LILRB4: variants seen among roughly 807,000 people sequenced by gnomAD.
LILRB4 encodes the protein leukocyte immunoglobulin-like receptor subfamily B member 4.
LILRB4 carries 49 observed loss-of-function variants against 55.2 expected under a neutral mutation model. The ratio of observed to expected loss-of-function variants is 0.89; its 90% CI spans 0.71 to 1.13. The LOEUF (loss-of-function observed/expected upper bound fraction) is 1.13, where lower values mean the gene tolerates loss of function less well. Among genes scored for constraint, LILRB4 ranks in the 50% most tolerant of loss-of-function variants. The pLI is 0.00. For synonymous variants in LILRB4, 229 were observed against 213.8 expected (o/e 1.07, Z -0.62); for missense variants, 590 against 555.2 (o/e 1.06, Z -0.63).
At position 54,665,703 on chromosome 19, in the gene LILRB4, C is replaced by A; in HGVS notation, c.758-112C>A. ...GTGGCAATCTCAGGTTGCACAACTG[C>A]TGTGAGGGTTGGAGGTAATGAAAGA... On this transcript the variant is annotated intron_variant, in intron 6 of 11. Transcript: ENST00000430952. The surrounding 1 kb of genome is among the most constrained non-coding windows in gnomAD (Gnocchi z 5.5). 7.9e-7 allele frequency: 1 copy of A among 1,268,734 alleles called. No individual in the cohort carries two copies. The highest frequency in any genetic ancestry group is 1.1e-6 in the Non-Finnish European group (1 of 890,224). 78.6% of individuals were successfully genotyped at this position (1,268,734 alleles called of 1,614,324 possible).
In LILRB4 at chr19:54,665,695, C is replaced by A; in HGVS notation, c.758-120C>A. On this transcript the variant is annotated intron_variant, in intron 6 of 11. Transcript: ENST00000430952. The surrounding 1 kb of genome is among the most constrained non-coding windows in gnomAD (Gnocchi z 5.5). The stretch of plus-strand genomic sequence containing the variant: ...GAGAGAGGGTGGCAATCTCAGGTTG[C>A]ACAACTGCTGTGAGGGTTGGAGGTA... The A allele has an allele frequency of 8.1e-7, 1 of 1,229,998 alleles. No individual in the cohort carries two copies. 76.2% of individuals were successfully genotyped at this position (1,229,998 alleles called of 1,614,324 possible).
At chr19:54,667,968 A>T (rs771375743) in exon 12 of LILRB4, 4 of 1,613,950 alleles carry the variant, frequency 2.5e-6, no homozygotes, top group Non-Finnish European at 3.4e-6. Context: ...CATCCCAGGA[A>T]GGGGCCTCTC....
chr19:54,667,166 T>C (rs927421435), intron 10 of LILRB4: 75 of 561,774 alleles, frequency 1.3e-4, no homozygotes, highest in Admixed American at 7.8e-4. Flanking sequence ...GCTCACCTCG[T>C]GGTGGGAGAC....
At chr19:54,664,383 G>C in exon 4 of LILRB4, 1 of 1,613,804 alleles carries the variant, frequency 6.2e-7, no homozygotes, top group Non-Finnish European at 8.5e-7. Context: ...CATGAGTCCT[G>C]TGACCTCAGT....
In LILRB4 at chr19:54,666,643, G is replaced by A. The variant is rs916125216; in HGVS notation, c.989-54G>A. The A allele has an allele frequency of 4.5e-6, 7 of 1,572,036 alleles. No homozygotes were observed. The African/African-American group carries it at 5.4e-5, about 12-fold the overall frequency. ...GAACAGGGCAGGGACCAGCAGGAAT[G>A]AGAGGTCCCAGGGAACCTTCCCAGG... is the stretch of plus-strand genomic sequence containing the variant. On this transcript the variant is annotated intron_variant, in intron 9 of 11. Transcript: ENST00000430952. This position sits in a 1 kb window ranked among gnomAD's most constrained non-coding sequence, Gnocchi z 4.8.
In LILRB4 at chr19:54,666,699, G is replaced by A. The variant is rs1329777489; in HGVS notation, c.991G>A (p.Ala331Thr). 1 of 1,614,030 alleles carries A rather than the reference G, an allele frequency of 6.2e-7. No homozygotes were observed. Among genetic ancestry groups the A allele is most frequent in the Non-Finnish European group, 8.5e-7 (1 of 1,179,982 alleles). The change falls in exon 10 of 12, where the codon GCT becomes ACT. Residue 331 changes from alanine to threonine, a missense_variant and splice_region_variant. By Grantham distance (58) the Ala-to-Thr change is moderately conservative. Transcript: ENST00000430952. This position sits in a 1 kb window ranked among gnomAD's most constrained non-coding sequence, Gnocchi z 4.8. ...AACCCCTTGCTCTACCCCAGCAGGT[G>A]CTGCCGTGAAGAACACACAGCCTGA... is the stretch of plus-strand genomic sequence containing the variant.
rs747071287 is a variant in LILRB4 at position 54,666,467 on chromosome 19, G to A, written c.988+31G>A. On this transcript the variant is annotated intron_variant, in intron 9 of 11. Transcript: ENST00000430952. This position sits in a 1 kb window ranked among gnomAD's most constrained non-coding sequence, Gnocchi z 4.8. ...TGAGAGGCAGAGAAGGTGCACCTGGGGTGGAGCTGGGGGTCCCAAAATTTC... is the reference window on the plus strand; with the variant it reads ...TGAGAGGCAGAGAAGGTGCACCTGGAGTGGAGCTGGGGGTCCCAAAATTTC... 15 of 1,612,490 alleles carry A rather than the reference G, an allele frequency of 9.3e-6. 1 individual carries two copies. Among genetic ancestry groups the A allele is most frequent in the Admixed American group, 6.7e-5 (4 of 59,910 alleles).
At position 54,666,957 on chromosome 19, in the gene LILRB4, C is replaced by T. The variant is rs1044408777; in HGVS notation, c.1041+208C>T. The T allele has an allele frequency of 6.2e-5, 45 of 721,958 alleles. No homozygotes were observed. The highest frequency in any genetic ancestry group is 1.1e-4 in the Non-Finnish European group (41 of 389,418). The allele number at this position is 721,958 out of a possible 1,614,324, so 44.7% of individuals were successfully genotyped here. On this transcript the variant is annotated intron_variant, in intron 10 of 11. Transcript: ENST00000430952. The surrounding 1 kb of genome is among the most constrained non-coding windows in gnomAD (Gnocchi z 4.8). ...CCTCCTCCCGGGTCCCCTTCCTGCT[C>T]CTCATCCTCTGTTTGGCCATCTGGT...
Position 54,665,112 on chromosome 19 carries a change from A to G in LILRB4, c.707-18A>G, listed in dbSNP as rs759122149. ...GGAGCAGGGCAGCCCCAGCCCTCAC[A>G]TCCCTGTTCTAACCCAGCAGGCCCT... On this transcript the variant is annotated intron_variant, in intron 5 of 11. Coordinates refer to ENST00000430952, the Ensembl canonical transcript of LILRB4. This position sits in a 1 kb window ranked among gnomAD's most constrained non-coding sequence, Gnocchi z 5.5. 3.7e-6 allele frequency: 6 copies of G among 1,609,802 alleles called. No individual in the cohort carries two copies. In the East Asian group the frequency reaches 1.1e-4, roughly 30 times the overall value.
chr19:54,666,858 C>G lies in LILRB4; in HGVS notation c.1041+109C>G. ...CGGCTCTCAGCATCGTCACGGTGGA[C>G]CCCTCCTTGTCCAGCACGCTGCCTC... On this transcript the variant is annotated intron_variant, in intron 10 of 11. Transcript: ENST00000430952. This position sits in a 1 kb window ranked among gnomAD's most constrained non-coding sequence, Gnocchi z 4.8. The G allele has an allele frequency of 9.0e-7, 1 of 1,109,034 alleles. No individual in the cohort carries two copies. Among genetic ancestry groups the G allele is most frequent in the Non-Finnish European group, 1.4e-6 (1 of 720,210 alleles). The allele number at this position is 1,109,034 out of a possible 1,614,324, so 68.7% of individuals were successfully genotyped here.
Position 54,666,362 on chromosome 19 carries a change from C to A in LILRB4, c.951-37C>A. ...AGACTCCCACCCATCCCAACAGCCA[C>A]CTCACTGTCCCCTTACACTCCCGTA... On this transcript the variant is annotated intron_variant, in intron 8 of 11. Coordinates refer to ENST00000430952, the Ensembl canonical transcript of LILRB4. This position sits in a 1 kb window ranked among gnomAD's most constrained non-coding sequence, Gnocchi z 4.8. The A allele has an allele frequency of 6.2e-7, 1 of 1,612,370 alleles. No individual in the cohort carries two copies. The highest frequency in any genetic ancestry group is 1.1e-5 in the South Asian group (1 of 90,908).
intron 2 of LILRB4, 42 bp downstream of exon 2, chr19:54,663,609 G>A (rs747018686): frequency 1.9e-6 from 3 of 1,612,960 alleles, no homozygotes; most frequent in Non-Finnish European, 2.5e-6. Context: ...CCTCCTCACT[G>A]GGACAAGGGG....
At position 54,666,149 on chromosome 19, in the gene LILRB4, T is replaced by A; in HGVS notation, c.875-91T>A. 1 of 1,338,806 alleles carries A rather than the reference T, an allele frequency of 7.5e-7. No individual in the cohort carries two copies. Among genetic ancestry groups the A allele is most frequent in the Non-Finnish European group, 1.0e-6 (1 of 971,468 alleles). The allele number at this position is 1,338,806 out of a possible 1,614,324, so 82.9% of individuals were successfully genotyped here. ...AGTATTTAAAACATCCTTGCAAGTG[T>A]ATTTTCAGGTTTCCTTTCCTCTTGA... On this transcript the variant is annotated intron_variant, in intron 7 of 11. Coordinates refer to ENST00000430952, the Ensembl canonical transcript of LILRB4. The surrounding 1 kb of genome is among the most constrained non-coding windows in gnomAD (Gnocchi z 4.8).
At position 54,663,555 on chromosome 19, in the gene LILRB4, C is replaced by CACAT; in HGVS notation, c.59_62dup (p.Met21IlefsTer15). On this transcript the variant is annotated frameshift_variant, in exon 2 of 12. Transcript: ENST00000430952. LOFTEE classifies it high-confidence loss of function. Reference sequence around the variant, plus strand: ...AGGGCTGAGTCTGGGCCCCAGGACCCACATGCAGGCAGGTGAGTCTGTCCC... The same window carrying CACAT: ...AGGGCTGAGTCTGGGCCCCAGGACCCACATACATGCAGGCAGGTGAGTCTGTCCC... The CACAT allele has an allele frequency of 6.2e-7, 1 of 1,613,526 alleles. No homozygotes were observed. The highest frequency in any genetic ancestry group is 8.5e-7 in the Non-Finnish European group (1 of 1,179,974).
chr19:54,668,515 T>G (rs2065395500), downstream of LILRB4: 1 of 153,968 alleles, frequency 6.5e-6, no homozygotes, highest in Admixed American at 6.4e-5. Context: ...ACACACAGCT[T>G]TACAGAGGTG....
chr19:54,667,556 A>AC (rs2065340865), intron 10 of LILRB4, 79 bp from the exon 11 acceptor site: 1 of 1,589,064 alleles, frequency 6.3e-7, no homozygotes, highest in Admixed American at 1.7e-5. Context: ...TAATCGGATC[A>AC]CCCTGGGAAC....
In LILRB4 at chr19:54,665,663, A is replaced by G. The variant is rs2065231220; in HGVS notation, c.758-152A>G. 3 of 987,112 alleles carry G rather than the reference A, an allele frequency of 3.0e-6. No individual in the cohort carries two copies. The highest frequency in any genetic ancestry group is 2.8e-5 in the South Asian group (2 of 70,996). 61.1% of individuals were successfully genotyped at this position (987,112 alleles called of 1,614,324 possible). On this transcript the variant is annotated intron_variant, in intron 6 of 11. Transcript: ENST00000430952. The surrounding 1 kb of genome is among the most constrained non-coding windows in gnomAD (Gnocchi z 5.5). ...GAGCCTCAGTTTGTGCATCTGTGAAATGGGTGGAGAGAGGGTGGCAATCTC... is the reference window on the plus strand; with the variant it reads ...GAGCCTCAGTTTGTGCATCTGTGAAGTGGGTGGAGAGAGGGTGGCAATCTC...
At chr19:54,664,034 G>A (rs1431945745) in exon 3 of LILRB4, 2 of 1,603,180 alleles carry the variant, frequency 1.2e-6, no homozygotes, top group Non-Finnish European at 1.7e-6. Flanking sequence ...AGCTGGTGAT[G>A]ACAGGTGAGA....
Position 54,663,889 on chromosome 19 carries a change from G to A in LILRB4, c.206G>A (p.Trp69Ter). The change falls in exon 3 of 12, where the codon TGG (tryptophan) becomes TAG (stop). Residue 69 changes from tryptophan (W) to a stop codon, truncating the protein, a stop_gained. Transcript: ENST00000430952. LOFTEE classifies it high-confidence loss of function. ...GATAAAGAGGAAAGCCCAGCACCCT[G>A]GGACAGACAGAACCCACTGGAGCCC... 1 of 1,614,174 alleles carries A rather than the reference G, an allele frequency of 6.2e-7. No individual in the cohort carries two copies.
Sources: gnomAD v4.1 joint callset for allele counts on GRCh38, gnomAD v4.1.1 for gene constraint, Gnocchi (gnomAD v3.1) non-coding constraint, MANE v1.5 for transcripts, NCBI Gene and HGNC (gene_info 2026-07-23, HGNC 2026-07-21) for gene names.